Variants in ZHX2 observed in about 807,000 individuals in gnomAD.
ZHX2 encodes the protein zinc fingers and homeoboxes protein 2.
In ZHX2, 6 loss-of-function variants were observed where a neutral mutation model predicts 21.9. The observed-to-expected ratio is 0.27, with a 90% confidence interval of 0.15 to 0.54. ZHX2 has a LOEUF of 0.54. ZHX2 is among the 20% of genes least tolerant of loss of function. The probability of loss-of-function intolerance (pLI) is 0.95; values close to 1 mark genes in which losing one functional copy is unlikely to be tolerated. For missense variants in ZHX2, 908 were observed against 1,090.7 expected, an observed-to-expected ratio of 0.83 and a Z score of 2.36; for synonymous variants, 434 against 437.1, an observed-to-expected ratio of 0.99 and a Z score of 0.09.
At chr8:122,790,325 C>A (rs1817487543) in intron 1 of ZHX2, among the ~76,000 whole-genome samples, 1 of 152,206 alleles carries the variant, frequency 6.6e-6, no homozygotes, top group Non-Finnish European at 1.5e-5. Context: ...TCTCTACAGT[C>A]TAACTAAGGC....
chr8:122,866,122 T>C (rs2129649438), intron 2 of ZHX2, among the ~76,000 whole-genome samples: 1 of 152,330 alleles, frequency 6.6e-6, no homozygotes, highest in Admixed American at 6.5e-5. Context: ...GAAGTAGTCG[T>C]GAAGACTGAG....
chr8:122,917,106 C>A (rs568396239), intron 2 of ZHX2, among the ~76,000 whole-genome samples: 3 of 152,258 alleles, frequency 2.0e-5, no homozygotes, highest in South Asian at 4.2e-4. Context: ...ATAATTATGA[C>A]CTGCGTTTCT....
intron 2 of ZHX2, among the ~76,000 whole-genome samples, chr8:122,923,493 A>T (rs565778463): frequency 2.0e-5 from 3 of 152,206 alleles, no homozygotes; most frequent in South Asian, 2.1e-4. Context: ...CACTTCCACC[A>T]TATTATACTG....
chr8:122,789,193 A>T (rs2130527838), intron 1 of ZHX2, among the ~76,000 whole-genome samples: 1 of 152,340 alleles, frequency 6.6e-6, no homozygotes, highest in East Asian at 1.9e-4. Context: ...TTTATACAAT[A>T]AAAGAGGATC....
At chr8:122,918,266 A>G (rs997079718) in intron 2 of ZHX2, among the ~76,000 whole-genome samples, 1 of 152,186 alleles carries the variant, frequency 6.6e-6, no homozygotes, top group Non-Finnish European at 1.5e-5. Flanking sequence ...ATCGTTCAAC[A>G]TTTTTATTAG....
chr8:122,796,677 T>C (rs1170437241), intron 1 of ZHX2, among the ~76,000 whole-genome samples: 1 of 152,214 alleles, frequency 6.6e-6, no homozygotes, highest in Non-Finnish European at 1.5e-5. Flanking sequence ...CAAACGTTTA[T>C]TAATGCGTGC....
intron 2 of ZHX2, among the ~76,000 whole-genome samples, chr8:122,896,224 T>C (rs547668052): frequency 1.4e-5 from 2 of 147,210 alleles, no homozygotes; most frequent in Non-Finnish European, 3.0e-5. Context: ...TTACTAGGAC[T>C]CTTTTTTTTT....
rs112082958 is a variant in ZHX2 at position 122,785,868 on chromosome 8, T to G, written c.-283+3922T>G. Among the ~76,000 whole-genome samples the G allele has an allele frequency of 5.8e-3, 888 of 152,246 alleles. 12 individuals are homozygous for G. The highest frequency in any genetic ancestry group is 0.021 in the African/African-American group (857 of 41,532). On this transcript the variant is annotated intron_variant, in intron 1 of 3. Coordinates refer to ENST00000314393, the MANE Select transcript of ZHX2 (RefSeq NM_014943.5). ...ATGGAGGAGGCTGGCTTTTAATCTC[T>G]AGGTACTAGGGAGCTATGGCAGGTT... is the stretch of plus-strand genomic sequence containing the variant.
At chr8:122,967,581 C>T (rs559034598) in intron 3 of ZHX2, among the ~76,000 whole-genome samples, 15 of 152,280 alleles carry the variant, frequency 9.9e-5, no homozygotes, top group African/African-American at 2.9e-4. Flanking sequence ...TCTGGGAGTC[C>T]TTGGTTGTAG....
intron 2 of ZHX2, among the ~76,000 whole-genome samples, chr8:122,923,086 T>C (rs1417278494): frequency 6.6e-6 from 1 of 152,226 alleles, no homozygotes; most frequent in African/African-American, 2.4e-5. Context: ...AAAGTCTAGA[T>C]AGAGGGAATC....
intron 1 of ZHX2, among the ~76,000 whole-genome samples, chr8:122,834,228 T>C (rs1327700553): frequency 2.0e-5 from 3 of 152,108 alleles, no homozygotes; most frequent in Admixed American, 6.5e-5. Flanking sequence ...GAAGTGATGG[T>C]AGTTGCCAGG....
At chr8:122,799,546 C>CT (rs1184059752) in intron 1 of ZHX2, among the ~76,000 whole-genome samples, 1 of 152,160 alleles carries the variant, frequency 6.6e-6, no homozygotes, top group Non-Finnish European at 1.5e-5. Flanking sequence ...CTTCAACTTT[C>CT]TTTTTTAGCT....
chr8:122,833,905 G>A lies in ZHX2; in HGVS notation c.-282-29572G>A, dbSNP rs187252474. On this transcript the variant is annotated intron_variant, in intron 1 of 3. Transcript: ENST00000314393. ...CCAGCTACTCGGGAGGCTGAGGCAG[G>A]AGAATGGCGTGAACCCGGGAGGCGG... 2.5e-3 allele frequency among the ~76,000 whole-genome samples: 381 copies of A among 152,162 alleles called. 3 individuals are homozygous for A. The highest frequency in any genetic ancestry group is 9.0e-3 in the African/African-American group (372 of 41,544).
intron 1 of ZHX2, among the ~76,000 whole-genome samples, chr8:122,835,546 G>A (rs571319120): frequency 1.3e-5 from 2 of 152,184 alleles, no homozygotes; most frequent in African/African-American, 4.8e-5. Flanking sequence ...AGAAGATGGC[G>A]ACTGGGAAGA....
chr8:122,936,089 G>A (rs561223517), intron 2 of ZHX2, among the ~76,000 whole-genome samples: 6 of 152,156 alleles, frequency 3.9e-5, no homozygotes, highest in East Asian at 1.9e-4. Flanking sequence ...TTCTATGTCC[G>A]AAAAGAAAAA....
In ZHX2 at chr8:122,951,801, C is replaced by T. The variant is rs529253459; in HGVS notation, c.291C>T (p.Val97=). The T allele has an allele frequency of 5.0e-6, 8 of 1,614,104 alleles. No homozygotes were observed. Among genetic ancestry groups the T allele is most frequent in the African/African-American group, 1.3e-5 (1 of 75,022 alleles). The change falls in exon 3 of 4, where the codon GTC becomes GTT. Residue 97 remains valine, a synonymous_variant. Transcript: ENST00000314393. The part of the protein sequence containing the change: ...TQNLNEFTEH[V]DMQHPNVILN... ...ACCTGAACGAGTTCACGGAGCATGT[C>T]GACATGCAGCATCCCAACGTGATTC... is the stretch of plus-strand genomic sequence containing the variant.
chr8:122,965,878 C>G (rs1337368531), intron 3 of ZHX2, among the ~76,000 whole-genome samples: 1 of 152,072 alleles, frequency 6.6e-6, no homozygotes, highest in African/African-American at 2.4e-5. Context: ...TTGTATTGAA[C>G]TACTTCTTTT....
chr8:122,791,866 TA>T (rs5894644), intron 1 of ZHX2, among the ~76,000 whole-genome samples: 405 of 134,898 alleles, frequency 3.0e-3, no homozygotes, highest in Middle Eastern at 7.8e-3. Context: ...CTCCATCTCA[TA>T]AAAAAAAAAA....
chr8:122,923,722 C>T (rs969437095), intron 2 of ZHX2, among the ~76,000 whole-genome samples: 1 of 152,228 alleles, frequency 6.6e-6, no homozygotes, highest in Non-Finnish European at 1.5e-5. Flanking sequence ...GCAGGACCAA[C>T]ATCACTCATC....
Sources: gnomAD v4.1 joint callset for allele counts (sites outside exome capture counted in the v4.1 genomes callset) on GRCh38, gnomAD v4.1.1 for gene constraint, MANE v1.5 for transcripts, NCBI Gene and HGNC (gene_info 2026-07-23, HGNC 2026-07-21) for gene names.